BBS2: variants seen among roughly 807,000 people sequenced by gnomAD.
BBS2 encodes the protein BBSome complex member BBS2.
In BBS2, 62 loss-of-function variants were observed where a neutral mutation model predicts 83.0. That is an observed-to-expected ratio of 0.75 (90% confidence interval 0.61 to 0.92). BBS2 has a LOEUF of 0.92. Ranked by LOEUF, BBS2 falls within the 40% of genes least tolerant of loss-of-function variation. The pLI is 0.00. For missense variants in BBS2, 784 were observed against 901.0 expected, an observed-to-expected ratio of 0.87 and a Z score of 1.66; for synonymous variants, 303 against 326.1, an observed-to-expected ratio of 0.93 and a Z score of 0.76.
chr16:56,501,508 C>A lies in BBS2; in HGVS notation c.1081-11G>T. On this transcript the variant is annotated splice_polypyrimidine_tract_variant and intron_variant, in intron 9 of 16. Coordinates refer to ENST00000245157, the MANE Select transcript of BBS2 (RefSeq NM_031885.5). Reference sequence around the variant, plus strand: ...ACTGGCCAATTCAGCCTGCAAAACACCCCACCCATTTCCTACTCAGTCACC... The same window carrying A: ...ACTGGCCAATTCAGCCTGCAAAACAACCCACCCATTTCCTACTCAGTCACC... 6.2e-7 allele frequency: 1 copy of A among 1,614,142 alleles called. No individual in the cohort carries two copies. Among genetic ancestry groups the A allele is most frequent in the Non-Finnish European group, 8.5e-7 (1 of 1,180,000 alleles).
At chr16:56,492,711 C>T (rs377597039) in intron 15 of BBS2, among the ~76,000 whole-genome samples, 1 of 152,030 alleles carries the variant, frequency 6.6e-6, no homozygotes, top group African/African-American at 2.4e-5. Flanking sequence ...TTTCTCATCC[C>T]CTGGAGTATG....
rs1314393067 is a variant in BBS2 at position 56,484,821 on chromosome 16, A to T, written c.2106T>A (p.Ile702=). ...ACAGTGTGTTGATGTTATTGCTTCG[A>T]ATTGCATCCCGACAAGCAGTGATCA... ...NQVITACRDA[I]RSNNINTLFK... Residue 702 remains isoleucine, a synonymous_variant, in exon 17 of 17, where the codon ATT becomes ATA. Transcript: ENST00000245157. 1.3e-5 allele frequency: 21 copies of T among 1,614,086 alleles called. No individual in the cohort carries two copies. Among genetic ancestry groups the T allele is most frequent in the Non-Finnish European group, 1.8e-5 (21 of 1,179,962 alleles).
At chr16:56,471,800 C>T (rs564318734) in intron 17 of BBS2, among the ~76,000 whole-genome samples, 1 of 152,350 alleles carries the variant, frequency 6.6e-6, no homozygotes, top group Non-Finnish European at 1.5e-5. Context: ...GTGGCTTTTT[C>T]TGTGCTATCT....
chr16:56,493,563 G>C (rs889814251), intron 15 of BBS2, among the ~76,000 whole-genome samples: 2 of 152,044 alleles, frequency 1.3e-5, no homozygotes, highest in Non-Finnish European at 2.9e-5. Flanking sequence ...GAAGGTCACA[G>C]GAATGGAAAG....
chr16:56,475,975 A>C lies in BBS2; in HGVS notation c.*1-5280T>G. 2.9e-6 allele frequency: 4 copies of C among 1,391,616 alleles called. No homozygotes were observed. The South Asian group carries it at 5.2e-5, about 18-fold the overall frequency. 86.2% of individuals were successfully genotyped at this position (1,391,616 alleles called of 1,614,324 possible). Reference sequence around the variant, plus strand: ...GCTTGATATGGAAACCATCTGTTCCATGGTTAATCATCCAAGATTTGAGAA... The same window carrying C: ...GCTTGATATGGAAACCATCTGTTCCCTGGTTAATCATCCAAGATTTGAGAA... On this transcript the variant is annotated intron_variant, in intron 17 of 17. Transcript: ENST00000682047.
chr16:56,476,275 T>C (rs1963473077), intron 17 of BBS2: 5 of 1,463,094 alleles, frequency 3.4e-6, no homozygotes, highest in Middle Eastern at 2.5e-4. Flanking sequence ...GAGCTAAGCA[T>C]GGAGTCAAGG....
At chr16:56,491,633 T>C (rs1178834738) in intron 15 of BBS2, among the ~76,000 whole-genome samples, 1 of 149,234 alleles carries the variant, frequency 6.7e-6, no homozygotes, top group Non-Finnish European at 1.5e-5. Flanking sequence ...AGACAAATAG[T>C]TCACACAAAA....
intron 2 of BBS2, 44 bp downstream of exon 2, chr16:56,514,409 T>C (rs1249129130): frequency 3.9e-6 from 6 of 1,554,708 alleles, no homozygotes; most frequent in East Asian, 2.2e-5. Flanking sequence ...AAAATGGACA[T>C]TAATGAGTAA....
chr16:56,480,944 C>G (rs1408562503), downstream of BBS2, among the ~76,000 whole-genome samples: 1 of 152,076 alleles, frequency 6.6e-6, no homozygotes, highest in Non-Finnish European at 1.5e-5. Context: ...GTACAGATTA[C>G]AAGATGACTT....
At position 56,511,189 on chromosome 16, in the gene BBS2, G is replaced by GA; in HGVS notation, c.440dup (p.Asn148GlnfsTer3). 6.2e-7 allele frequency: 1 copy of GA among 1,614,078 alleles called. No homozygotes were observed. The highest frequency in any genetic ancestry group is 8.5e-7 in the Non-Finnish European group (1 of 1,180,014). On this transcript the variant is annotated frameshift_variant, in exon 3 of 17. Coordinates refer to ENST00000245157, the MANE Select transcript of BBS2 (RefSeq NM_031885.5). LOFTEE classifies it high-confidence loss of function. ...AAAAGAGATCACTTCCTTCATGATT[G>GA]AAACCTTGCAGAGCACAATTGCCAC...
At chr16:56,517,461 G>A (rs1295749746) in intron 1 of BBS2, among the ~76,000 whole-genome samples, 2 of 152,236 alleles carry the variant, frequency 1.3e-5, no homozygotes, top group Non-Finnish European at 2.9e-5. Flanking sequence ...CAAATCTGCA[G>A]AGCTTGTTTC....
chr16:56,488,681 G>C (rs1037351432), intron 15 of BBS2, among the ~76,000 whole-genome samples: 2 of 152,080 alleles, frequency 1.3e-5, no homozygotes, highest in African/African-American at 4.8e-5. Flanking sequence ...CTAAACCACT[G>C]GCCATAGGTG....
chr16:56,508,263 T>C (rs1025394726), intron 5 of BBS2, among the ~76,000 whole-genome samples: 7 of 152,220 alleles, frequency 4.6e-5, no homozygotes, highest in Non-Finnish European at 1.5e-5. Flanking sequence ...GCAGCTTTTA[T>C]GAGTGACATG....
intron 2 of BBS2, among the ~76,000 whole-genome samples, chr16:56,513,361 A>G (rs757492697): frequency 1.3e-5 from 2 of 152,222 alleles, no homozygotes; most frequent in African/African-American, 4.8e-5. Flanking sequence ...TAAGAATGAC[A>G]TAACGGGTAT....
Position 56,475,478 on chromosome 16 carries a change from C to A in BBS2, c.*1-4783G>T, listed in dbSNP as rs375629494. ...GTGCGACTCTTTCAATAGGAGCTTTCTGAATGCTGTTTGTTTTTCTCTTGT... is the reference window on the plus strand; with the variant it reads ...GTGCGACTCTTTCAATAGGAGCTTTATGAATGCTGTTTGTTTTTCTCTTGT... On this transcript the variant is annotated intron_variant, in intron 17 of 17. Transcript: ENST00000682047. 18 of 1,609,442 alleles carry A rather than the reference C, an allele frequency of 1.1e-5. No individual in the cohort carries two copies. The East Asian group carries it at 3.8e-4, about 34-fold the overall frequency.
downstream of BBS2, among the ~76,000 whole-genome samples, chr16:56,480,601 G>A (rs563632112): frequency 5.3e-5 from 8 of 152,128 alleles, no homozygotes; most frequent in East Asian, 1.4e-3. Flanking sequence ...ATGTTGGCCA[G>A]GCTGGTCTCA....
At chr16:56,495,148 C>T (rs1964082232) in intron 15 of BBS2, among the ~76,000 whole-genome samples, 1 of 152,016 alleles carries the variant, frequency 6.6e-6, no homozygotes, top group Non-Finnish European at 1.5e-5. Context: ...CAAACTGTAC[C>T]TCAGGGAACC....
rs79975550 is a variant in BBS2 at position 56,471,028 on chromosome 16, A to G, written c.*1-333T>C. 5.9e-5 allele frequency among the ~76,000 whole-genome samples: 9 copies of G among 152,232 alleles called. No homozygotes were observed. In the East Asian group the frequency reaches 1.7e-3, roughly 29 times the overall value. On this transcript the variant is annotated intron_variant, in intron 17 of 17. Coordinates refer to the BBS2 transcript ENST00000682047. ...CGTCAAGTAATGATAAGTGCTATGC[A>G]AAACATTGTAATAGGGTTATATGAC... is the stretch of plus-strand genomic sequence containing the variant.
chr16:56,502,183 CCT>C (rs1964294355), intron 9 of BBS2, 132 bp downstream of exon 9: 1 of 1,161,230 alleles, frequency 8.6e-7, no homozygotes, highest in Non-Finnish European at 1.3e-6. Context: ...GCATATATCC[CCT>C]CTCAATTCTG....
Sources: gnomAD v4.1 joint callset for allele counts (sites outside exome capture counted in the v4.1 genomes callset) on GRCh38, gnomAD v4.1.1 for gene constraint, MANE v1.5 for transcripts, NCBI Gene and HGNC (gene_info 2026-07-23, HGNC 2026-07-21) for gene names.